Variants in OSGIN1 observed in about 807,000 individuals in gnomAD.
OSGIN1 encodes the protein oxidative stress induced growth inhibitor 1, also known as oxidative stress-induced growth inhibitor 1.
Under a neutral mutation model 20.1 loss-of-function variants are expected in OSGIN1, and 19 were observed. The ratio of observed to expected loss-of-function variants is 0.95; its 90% confidence interval spans 0.66 to 1.39. The LOEUF is 1.39. Ranked by LOEUF, OSGIN1 falls within the 40% of genes most tolerant of loss-of-function variation. OSGIN1 has a pLI of 0.00. For missense variants in OSGIN1, 820 were observed against 653.0 expected, an observed-to-expected ratio of 1.26 and a Z score of -2.79; for synonymous variants, 368 against 297.8, an observed-to-expected ratio of 1.24 and a Z score of -2.43.
At chr16:83,964,778 C>G (rs1346708344) in intron 5 of OSGIN1, among the ~76,000 whole-genome samples, 1 of 152,158 alleles carries the variant, frequency 6.6e-6, no homozygotes, top group Non-Finnish European at 1.5e-5. Flanking sequence ...GGATTCGAGC[C>G]CAGGCAGCGG....
Position 83,965,742 on chromosome 16 carries a change from C to T in OSGIN1, c.1169C>T (p.Ser390Phe). 4 of 1,613,604 alleles carry T rather than the reference C, an allele frequency of 2.5e-6. No homozygotes were observed. Among genetic ancestry groups the T allele is most frequent in the Non-Finnish European group, 3.4e-6 (4 of 1,180,002 alleles). ...GGTGTCGAGAAGGTGTTTGGGGTCTCCCTGGTGCTGGTCCTCATCGGCTCC... is the reference window on the plus strand; with the variant it reads ...GGTGTCGAGAAGGTGTTTGGGGTCTTCCTGGTGCTGGTCCTCATCGGCTCC... ...LEGVEKVFGV[S>F]LVLVLIGSHP... Residue 390 changes from serine to phenylalanine, a missense_variant, in exon 6 of 6, where the codon TCC becomes TTC. Ser to Phe is a radical substitution (Grantham distance 155). Coordinates refer to ENST00000393306, the MANE Select transcript of OSGIN1 (RefSeq NM_182981.3).
rs191353011 is a variant in OSGIN1, at chr16:83,964,102, G to A, written c.489-960G>A. On this transcript the variant is annotated intron_variant, in intron 5 of 5. Coordinates refer to ENST00000393306, the MANE Select transcript of OSGIN1 (RefSeq NM_182981.3). ...GTGGATCACTTGAGGTCAAGAGTTC[G>A]AAACCATCCTGGCCAACATGGCAAA... is the stretch of plus-strand genomic sequence containing the variant. Among the ~76,000 whole-genome samples the A allele has an allele frequency of 8.1e-4, 123 of 152,226 alleles. 1 individual carries two copies. Among genetic ancestry groups the A allele is most frequent in the Admixed American group, 2.3e-3 (35 of 15,292 alleles).
rs984766533 is a variant in OSGIN1, at chr16:83,966,226, G to A, written c.*219G>A. On this transcript the variant is annotated 3_prime_UTR_variant, in exon 6 of 6. Coordinates refer to ENST00000393306, the MANE Select transcript of OSGIN1 (RefSeq NM_182981.3). Reference sequence around the variant, plus strand: ...CAGGCCAGGGTTGGCCTAGACCTGGGATTTGTGGGGAAAGCTGCTGGTGTG... The same window carrying A: ...CAGGCCAGGGTTGGCCTAGACCTGGAATTTGTGGGGAAAGCTGCTGGTGTG... 1.8e-6 allele frequency: 1 copy of A among 554,460 alleles called. No individual in the cohort carries two copies. Among genetic ancestry groups the A allele is most frequent in the South Asian group, 2.7e-5 (1 of 37,304 alleles). 34.3% of individuals were successfully genotyped at this position (554,460 alleles called of 1,614,324 possible).
chr16:83,954,770 C>G, intron 1 of OSGIN1: 1 of 984,288 alleles, frequency 1.0e-6, no homozygotes, highest in Non-Finnish European at 1.2e-6. Flanking sequence ...AACCAGTGTC[C>G]TCTGCTGCCT....
intron 5 of OSGIN1, among the ~76,000 whole-genome samples, chr16:83,964,243 G>A (rs1263574243): frequency 1.3e-5 from 2 of 152,178 alleles, no homozygotes; most frequent in Admixed American, 6.5e-5. Flanking sequence ...GGCAGGGGCT[G>A]CAGCGAGCTG....
chr16:83,964,352 C>T (rs1176838709), intron 5 of OSGIN1, among the ~76,000 whole-genome samples: 1 of 151,938 alleles, frequency 6.6e-6, no homozygotes, highest in South Asian at 2.1e-4. Flanking sequence ...AATAAATTGG[C>T]TACATATAGA....
Position 83,960,577 on chromosome 16 carries a change from C to A in OSGIN1, c.213C>A (p.Asp71Glu), listed in dbSNP as rs1909156730. The A allele has an allele frequency of 2.5e-6, 4 of 1,612,948 alleles. No homozygotes were observed. The highest frequency in any genetic ancestry group is 1.6e-4 in the Middle Eastern group (1 of 6,084). ...PGVSILDQDL[D>E]YLSEGLEGRS... ...CCTATGCCCCCCTCCAGGACCTGGACTACCTGTCCGAAGGCCTCGAAGGCC... is the reference window on the plus strand; with the variant it reads ...CCTATGCCCCCCTCCAGGACCTGGAATACCTGTCCGAAGGCCTCGAAGGCC... The change falls in exon 4 of 6, where the codon GAC becomes GAA. Residue 71 changes from aspartate to glutamate, a missense_variant. Physicochemically the swap from Asp to Glu is conservative, Grantham distance 45. Coordinates refer to ENST00000393306, the MANE Select transcript of OSGIN1 (RefSeq NM_182981.3).
At position 83,965,287 on chromosome 16, in the gene OSGIN1, G is replaced by C. The variant is rs558194656; in HGVS notation, c.714G>C (p.Trp238Cys). ...RNQAQQPFSL[W>C]ARNVVLATGT... The stretch of plus-strand genomic sequence containing the variant: ...AGGCCCAGCAGCCCTTCTCGCTGTG[G>C]GCCCGCAACGTGGTCCTCGCCACAG... The change falls in exon 6 of 6, where the codon TGG becomes TGC. Residue 238 changes from tryptophan (W) to cysteine (C), a missense_variant. Transcript: ENST00000393306. The C allele has an allele frequency of 1.0e-5, 16 of 1,602,674 alleles. No individual in the cohort carries two copies. In the African/African-American group the frequency reaches 1.2e-4, roughly 12 times the overall value.
chr16:83,964,476 A>G (rs253142), intron 5 of OSGIN1, among the ~76,000 whole-genome samples: 2 of 151,766 alleles, frequency 1.3e-5, no homozygotes, highest in South Asian at 2.1e-4. Flanking sequence ...TCAGGATCCC[A>G]TTCCCCATCC....
chr16:83,961,780 C>T lies in OSGIN1; in HGVS notation c.488+708C>T, dbSNP rs539090513. On this transcript the variant is annotated intron_variant, in intron 5 of 5. Transcript: ENST00000393306. The stretch of plus-strand genomic sequence containing the variant: ...GTCACATGGCCCCCAACTGGGCCTC[C>T]CCATAGTGCCCCAGCCTCTAAGGAG... 9.5e-4 allele frequency among the ~76,000 whole-genome samples: 144 copies of T among 152,184 alleles called. 1 individual carries two copies. Among genetic ancestry groups the T allele is most frequent in the African/African-American group, 3.0e-3 (124 of 41,528 alleles).
chr16:83,961,331 T>G (rs1320318834), intron 5 of OSGIN1: 2 of 449,380 alleles, frequency 4.5e-6, no homozygotes, highest in Non-Finnish European at 8.1e-6. Context: ...CTGGGCCAGC[T>G]TGAAGCAAAG....
intron 5 of OSGIN1, among the ~76,000 whole-genome samples, chr16:83,964,748 G>A (rs2084255693): frequency 6.6e-6 from 1 of 152,130 alleles, no homozygotes; most frequent in Non-Finnish European, 1.5e-5. Context: ...AACAGACACA[G>A]CTCCCTGATG....
chr16:83,957,973 C>T (rs1909025310), intron 2 of OSGIN1, among the ~76,000 whole-genome samples: 1 of 152,134 alleles, frequency 6.6e-6, no homozygotes, highest in South Asian at 2.1e-4. Context: ...CCCTCCCGGG[C>T]TCAAGCGATT....
chr16:83,964,975 T>G (rs899535199), intron 5 of OSGIN1, 87 bp from the exon 6 acceptor site: 1 of 910,378 alleles, frequency 1.1e-6, no homozygotes, highest in Non-Finnish European at 1.7e-6. Context: ...CTCCAGGGCC[T>G]GACACTGCCC....
chr16:83,963,981 G>A (rs1177552380), intron 5 of OSGIN1, among the ~76,000 whole-genome samples: 1 of 148,860 alleles, frequency 6.7e-6, no homozygotes, highest in African/African-American at 2.4e-5. Context: ...TCACATGGGA[G>A]TCTTTAAATC....
intron 2 of OSGIN1, 60 bp downstream of exon 2, chr16:83,957,798 T>TCCTGCCCTCAGAC: frequency 1.1e-6 from 1 of 932,838 alleles, no homozygotes; most frequent in Non-Finnish European, 1.6e-6. Context: ...ACCCCCCAGG[T>TCCTGCCCTCAGAC]CTGAGGGCAG....
chr16:83,961,377 A>T (rs1020780047), intron 5 of OSGIN1: 1 of 389,606 alleles, frequency 2.6e-6, no homozygotes, highest in African/African-American at 2.1e-5. Context: ...GGTCGCAGGT[A>T]GGTGAGAGAT....
Position 83,965,950 on chromosome 16 carries a change from G to A in OSGIN1, c.1377G>A (p.Gly459=). 6.2e-7 allele frequency: 1 copy of A among 1,610,736 alleles called. No individual in the cohort carries two copies. Among genetic ancestry groups the A allele is most frequent in the Non-Finnish European group, 8.5e-7 (1 of 1,179,094 alleles). Residue 459 remains glycine, a synonymous_variant, in exon 6 of 6, where the codon GGG becomes GGA. Transcript: ENST00000393306. ...ACAACTTCGTGAGGTTTGTGCAGGG[G>A]GGCGCCTTGGCTGTGGCCAGCTCCC... is the stretch of plus-strand genomic sequence containing the variant. ...AGDNFVRFVQ[G]GALAVASSLL...
rs769031770 is a variant in OSGIN1, at chr16:83,965,162, G to A, written c.589G>A (p.Val197Ile). Residue 197 changes from valine to isoleucine, a missense_variant, in exon 6 of 6, where the codon GTA (valine) becomes ATA (isoleucine). Val to Ile is a conservative substitution (Grantham distance 29, BLOSUM62 3). Coordinates refer to ENST00000393306, the MANE Select transcript of OSGIN1 (RefSeq NM_182981.3). ...GGGGCATAACTTTGTGTCCGGTGCT[G>A]TAGTCACAGCCGTGGAGTGGGGGAC... ...GLGHNFVSGAVVTAVEWGTPD... is the reference protein window; with the variant it reads ...GLGHNFVSGAIVTAVEWGTPD... 3.7e-5 allele frequency: 60 copies of A among 1,613,332 alleles called. No individual in the cohort carries two copies. Among genetic ancestry groups the A allele is most frequent in the Non-Finnish European group, 4.6e-5 (54 of 1,180,020 alleles).
Sources: gnomAD v4.1 joint callset for allele counts (sites outside exome capture counted in the v4.1 genomes callset) on GRCh38, gnomAD v4.1.1 for gene constraint, MANE v1.5 for transcripts, NCBI Gene and HGNC (gene_info 2026-07-23, HGNC 2026-07-21) for gene names.